ENDOU: variants seen among roughly 807,000 people sequenced by gnomAD.
ENDOU encodes endonuclease, poly(U) specific, also known as uridylate-specific endoribonuclease.
In ENDOU, 49 loss-of-function variants were observed where a neutral mutation model predicts 54.2. The ratio of observed to expected loss-of-function variants is 0.90; its 90% CI spans 0.72 to 1.15. ENDOU has a LOEUF of 1.15. Ranked by LOEUF, ENDOU falls within the 50% of genes most tolerant of loss-of-function variation. The pLI is 0.00. For synonymous variants in ENDOU, 172 were observed against 190.5 expected (o/e 0.90, Z 0.80); for missense variants, 458 against 511.4 (o/e 0.90, Z 1.01).
chr12:47,711,886 T>A, intron 8 of ENDOU, 111 bp from the exon 9 acceptor site: 1 of 1,183,966 alleles, frequency 8.4e-7, no homozygotes, highest in Non-Finnish European at 1.2e-6. Context: ...ATTAGGGGCC[T>A]GTGTGAACCT....
chr12:47,718,718 C>G (rs1251598071), intron 2 of ENDOU, among the ~76,000 whole-genome samples: 1 of 152,166 alleles, frequency 6.6e-6, no homozygotes, highest in African/African-American at 2.4e-5. Context: ...AAAGCACATT[C>G]CTATTGCTGC....
intron 2 of ENDOU, chr12:47,720,105 C>T (rs1592512160): frequency 6.6e-6 from 1 of 152,420 alleles, no homozygotes; most frequent in East Asian, 1.9e-4. Context: ...GACATCAAGG[C>T]TTTGTGTCAC....
Position 47,716,953 on chromosome 12 carries a change from A to G in ENDOU, c.488T>C (p.Leu163Pro). The change falls in exon 5 of 10, where the codon CTC (leucine) becomes CCC (proline). Residue 163 changes from leucine (L) to proline (P), a missense_variant. By Grantham distance (98) the Leu-to-Pro change is moderately conservative (BLOSUM62 -3). Coordinates refer to ENST00000422538, the MANE Select transcript of ENDOU (RefSeq NM_001172439.2). ...CGGGGAGATGCAGTTTTGGCTATTG[A>G]GAACGATGTCTTCCTTCTGGGCTTT... ...TNKAQKEDIVLNSQNCISPSE... is the reference protein window; with the variant it reads ...TNKAQKEDIVPNSQNCISPSE... The G allele has an allele frequency of 1.9e-6, 3 of 1,614,204 alleles. No homozygotes were observed. Among genetic ancestry groups the G allele is most frequent in the Admixed American group, 1.7e-5 (1 of 60,030 alleles).
chr12:47,722,763 A>G (rs1433277373), intron 1 of ENDOU, among the ~76,000 whole-genome samples: 1 of 152,218 alleles, frequency 6.6e-6, no homozygotes, highest in Non-Finnish European at 1.5e-5. Context: ...TCTTTACATC[A>G]GAGAGGCATT....
chr12:47,716,772 T>G, intron 5 of ENDOU, 118 bp downstream of exon 5: 1 of 1,076,326 alleles, frequency 9.3e-7, no homozygotes, highest in Non-Finnish European at 1.4e-6. Context: ...TGGAGAACTA[T>G]TTTTTTTCTG....
chr12:47,713,610 CG>C, intron 6 of ENDOU, among the ~76,000 whole-genome samples: 1 of 152,100 alleles, frequency 6.6e-6, no homozygotes, highest in East Asian at 1.9e-4. Flanking sequence ...AGCAAGGACA[CG>C]GTCTCTATCT....
intron 6 of ENDOU, 133 bp downstream of exon 6, chr12:47,716,167 C>T (rs1469822501): frequency 2.3e-6 from 2 of 869,814 alleles, no homozygotes; most frequent in Non-Finnish European, 3.7e-6. Context: ...TCCCTCATCC[C>T]TCCCAGATGT....
Position 47,716,997 on chromosome 12 carries a change from G to A in ENDOU, c.444C>T (p.Ile148=). 1 of 1,614,042 alleles carries A rather than the reference G, an allele frequency of 6.2e-7. No homozygotes were observed. Among genetic ancestry groups the A allele is most frequent in the South Asian group, 1.1e-5 (1 of 91,084 alleles). ...KEEIQSISEK[I]YRADTNKAQK... ...GGGCTTTGTTGGTGTCTGCCCTGTA[G>A]ATCTTCTCAGAGATGCTCTGAATCT... Residue 148 remains isoleucine, a synonymous_variant, in exon 5 of 10, where the codon ATC becomes ATT. Coordinates refer to ENST00000422538, the MANE Select transcript of ENDOU (RefSeq NM_001172439.2).
chr12:47,710,790 C>T lies in ENDOU; in HGVS notation c.*12G>A. 6.3e-7 allele frequency: 1 copy of T among 1,595,138 alleles called. No individual in the cohort carries two copies. Among genetic ancestry groups the T allele is most frequent in the Non-Finnish European group, 8.6e-7 (1 of 1,162,762 alleles). ...CAAGAGCCCTCATGCCCCTTTCTGGCTCGAAGTTCTATTAGGTGGAAGACA... is the reference window on the plus strand; with the variant it reads ...CAAGAGCCCTCATGCCCCTTTCTGGTTCGAAGTTCTATTAGGTGGAAGACA... On this transcript the variant is annotated 3_prime_UTR_variant, in exon 10 of 10. Transcript: ENST00000422538.
chr12:47,724,519 A>G (rs1040022937), intron 1 of ENDOU, among the ~76,000 whole-genome samples: 1 of 152,082 alleles, frequency 6.6e-6, no homozygotes, highest in African/African-American at 2.4e-5. Context: ...CTTCTCATAC[A>G]TTATTTCATT....
intron 7 of ENDOU, among the ~76,000 whole-genome samples, chr12:47,712,978 G>A (rs925375254): frequency 6.6e-6 from 1 of 152,152 alleles, no homozygotes; most frequent in Non-Finnish European, 1.5e-5. Flanking sequence ...GCAAAGGACT[G>A]TTCAGAGGTA....
At chr12:47,714,457 C>T (rs1199379720) in intron 6 of ENDOU, among the ~76,000 whole-genome samples, 1 of 152,148 alleles carries the variant, frequency 6.6e-6, no homozygotes, top group Non-Finnish European at 1.5e-5. Context: ...GCTTTGTCTA[C>T]GTAAGAAGTT....
In ENDOU at chr12:47,710,091, C is replaced by G. The variant is rs1422593905; in HGVS notation, c.*711G>C. 1.3e-5 allele frequency: 2 copies of G among 152,216 alleles called. No homozygotes were observed. The highest frequency in any genetic ancestry group is 1.3e-4 in the Admixed American group (2 of 15,288). The allele number at this position is 152,216 out of a possible 1,614,324, so 9.4% of individuals were successfully genotyped here. A position where few individuals can be genotyped will look rare whatever the true frequency, so the allele number is the denominator to read the frequency against. ...GAAACTTCTTGTTGCAGATACTGAG[C>G]TGGACACAAAAACACTCAGGCCTGG... On this transcript the variant is annotated 3_prime_UTR_variant, in exon 10 of 10. Coordinates refer to ENST00000422538, the MANE Select transcript of ENDOU (RefSeq NM_001172439.2).
rs994602711 is a variant in ENDOU at position 47,716,624 on chromosome 12, C to T, written c.552-125G>A. 26 of 834,592 alleles carry T rather than the reference C, an allele frequency of 3.1e-5. No individual in the cohort carries two copies. The South Asian group carries it at 3.6e-4, about 11-fold the overall frequency. The allele number at this position is 834,592 out of a possible 1,614,324, so 51.7% of individuals were successfully genotyped here. A position where few individuals can be genotyped will look rare whatever the true frequency, so the allele number is the denominator to read the frequency against. On this transcript the variant is annotated intron_variant, in intron 5 of 9. Coordinates refer to ENST00000422538, the MANE Select transcript of ENDOU (RefSeq NM_001172439.2). ...GGGTTCAGGAGCCGAGGGGGCACTT[C>T]GGGTACTCTTGAAAGTCACACATCA...
At chr12:47,715,787 C>T (rs947276330) in intron 6 of ENDOU, among the ~76,000 whole-genome samples, 2 of 152,306 alleles carry the variant, frequency 1.3e-5, no homozygotes, top group East Asian at 3.9e-4. Flanking sequence ...ACAACTCTTC[C>T]CGATAGGACT....
chr12:47,720,673 G>A lies in ENDOU; in HGVS notation c.178+80C>T, dbSNP rs567567983. On this transcript the variant is annotated intron_variant, in intron 2 of 9. Coordinates refer to ENST00000422538, the MANE Select transcript of ENDOU (RefSeq NM_001172439.2). ...CTTAGAGCCCCTGTGAGTCCTGAACGCTGCTCTGGCCTGCTGGACACCCAG... is the reference window on the plus strand; with the variant it reads ...CTTAGAGCCCCTGTGAGTCCTGAACACTGCTCTGGCCTGCTGGACACCCAG... 1.7e-5 allele frequency: 25 copies of A among 1,468,522 alleles called. No homozygotes were observed. The African/African-American group carries it at 2.0e-4, about 12-fold the overall frequency. The allele number at this position is 1,468,522 out of a possible 1,614,324, so 91.0% of individuals were successfully genotyped here.
At chr12:47,716,621 C>T in intron 5 of ENDOU, 122 bp from the exon 6 acceptor site, 1 of 841,806 alleles carries the variant, frequency 1.2e-6, no homozygotes. Flanking sequence ...CGAGGGGGCA[C>T]TTCGGGTACT....
At chr12:47,720,688 T>C in intron 2 of ENDOU, 65 bp downstream of exon 2, 1 of 1,512,526 alleles carries the variant, frequency 6.6e-7, no homozygotes, top group South Asian at 1.2e-5. Flanking sequence ...TCTGGCCTGC[T>C]GGACACCCAG....
At chr12:47,723,034 G>C (rs546474201) in intron 1 of ENDOU, among the ~76,000 whole-genome samples, 1 of 152,338 alleles carries the variant, frequency 6.6e-6, no homozygotes, top group South Asian at 2.1e-4. Flanking sequence ...GAGAATTCAG[G>C]CAAATCAGGG....
Sources: allele counts gnomAD v4.1 joint callset (sites outside exome capture counted in the v4.1 genomes callset), GRCh38; gene constraint gnomAD v4.1.1; transcripts MANE v1.5; gene names NCBI Gene and HGNC (gene_info 2026-07-23, HGNC 2026-07-21).